CADM2: variants seen among roughly 807,000 people sequenced by gnomAD.
CADM2 encodes the protein cell adhesion molecule 2.
Under a neutral mutation model 49.8 loss-of-function variants are expected in CADM2, and 12 were observed. That is an observed-to-expected ratio of 0.24 (90% CI 0.15 to 0.39). The LOEUF (loss-of-function observed/expected upper bound fraction) is 0.39. CADM2 is among the 10% of genes least tolerant of loss of function. CADM2 has a pLI of 1.00. For synonymous variants in CADM2, 214 were observed against 175.4 expected (o/e 1.22, Z -1.74); for missense variants, 378 against 492.3 (o/e 0.77, Z 2.20).
intron 1 of CADM2, among the ~76,000 whole-genome samples, chr3:85,702,791 C>T (rs1466001078): frequency 6.6e-6 from 1 of 152,158 alleles, no homozygotes; most frequent in African/African-American, 2.4e-5. Context: ...CATATTTGCT[C>T]ATGACTTTCA....
chr3:85,972,870 T>TA (rs1052327065), intron 8 of CADM2, among the ~76,000 whole-genome samples: 19 of 151,736 alleles, frequency 1.3e-4, no homozygotes, highest in African/African-American at 3.9e-4. Flanking sequence ...TGGCATTTTC[T>TA]AAAAAATCCT....
intron 1 of CADM2, among the ~76,000 whole-genome samples, chr3:85,038,046 C>T (rs1269546545): frequency 6.6e-6 from 1 of 151,830 alleles, no homozygotes; most frequent in African/African-American, 2.4e-5. Context: ...TTAAAATAAG[C>T]AAAGTAAAAA....
intron 8 of CADM2, among the ~76,000 whole-genome samples, chr3:86,025,416 TA>T (rs1733774473): frequency 6.6e-6 from 1 of 150,546 alleles, no homozygotes; most frequent in Admixed American, 6.6e-5. Flanking sequence ...ATGAACAAAG[TA>T]AATATCTTCT....
chr3:85,285,428 A>T (rs996380564), intron 1 of CADM2, among the ~76,000 whole-genome samples: 5 of 152,160 alleles, frequency 3.3e-5, no homozygotes, highest in Non-Finnish European at 7.4e-5. Context: ...CATTTAAAAT[A>T]TGTCTAAATG....
chr3:85,677,309 T>G (rs1306555601), intron 1 of CADM2, among the ~76,000 whole-genome samples: 1 of 152,226 alleles, frequency 6.6e-6, no homozygotes, highest in African/African-American at 2.4e-5. Context: ...ATGCCAAGTT[T>G]ATGTTATTTA....
Position 85,761,894 on chromosome 3 carries a change from T to G in CADM2, c.88+35346T>G, listed in dbSNP as rs186733375. On this transcript the variant is annotated intron_variant, in intron 2 of 9. Transcript: ENST00000383699. ...GAACAATTTATGAAGGCAGCTCAGC[T>G]GAGGGTCGTCCAACAGGTAGGGAAA... is the stretch of plus-strand genomic sequence containing the variant. 2.4e-3 allele frequency among the ~76,000 whole-genome samples: 372 copies of G among 152,284 alleles called. 2 individuals are homozygous for G. The highest frequency in any genetic ancestry group is 8.7e-3 in the African/African-American group (362 of 41,562).
intron 1 of CADM2, among the ~76,000 whole-genome samples, chr3:84,964,317 T>C (rs1215342332): frequency 6.6e-6 from 1 of 152,170 alleles, no homozygotes; most frequent in Non-Finnish European, 1.5e-5. Flanking sequence ...TGGCCTGGAA[T>C]CAACACCAAA....
chr3:85,168,140 C>T (rs1438730832), intron 1 of CADM2, among the ~76,000 whole-genome samples: 1 of 152,124 alleles, frequency 6.6e-6, no homozygotes, highest in Non-Finnish European at 1.5e-5. Context: ...TTTGCAACCT[C>T]CACCTCCCGG....
intron 8 of CADM2, among the ~76,000 whole-genome samples, chr3:86,039,331 T>TAGTCAAAG (rs565121802): frequency 2.0e-4 from 30 of 148,262 alleles, no homozygotes; most frequent in Non-Finnish European, 3.8e-4. Flanking sequence ...TTCCCTTTCC[T>TAGTCAAAG]AGTCAAAGAA....
chr3:85,013,000 A>G (rs1419613096), intron 1 of CADM2, among the ~76,000 whole-genome samples: 1 of 151,808 alleles, frequency 6.6e-6, no homozygotes, highest in Non-Finnish European at 1.5e-5. Context: ...GTGCTTTTAA[A>G]TTACCTGAAG....
intron 4 of CADM2, 61 bp downstream of exon 4, chr3:85,883,504 C>A: frequency 3.0e-6 from 4 of 1,316,986 alleles, no homozygotes; most frequent in Non-Finnish European, 4.2e-6. Flanking sequence ...ATTGCTACAG[C>A]AACATAATTC....
chr3:85,057,622 G>A (rs943503343), intron 1 of CADM2, among the ~76,000 whole-genome samples: 16 of 152,088 alleles, frequency 1.1e-4, no homozygotes, highest in African/African-American at 3.9e-4. Flanking sequence ...TAATCATAAT[G>A]TCCATACTTA....
chr3:85,769,312 A>G (rs1258710585), intron 2 of CADM2, among the ~76,000 whole-genome samples: 4 of 126,854 alleles, frequency 3.2e-5, no homozygotes, highest in South Asian at 2.4e-4. Flanking sequence ...GTATATACAT[A>G]TATACATATA....
chr3:85,102,014 G>C (rs1473012700), intron 1 of CADM2, among the ~76,000 whole-genome samples: 1 of 152,130 alleles, frequency 6.6e-6, no homozygotes, highest in Non-Finnish European at 1.5e-5. Flanking sequence ...GATCCATAAA[G>C]CTATATTCTC....
chr3:85,830,551 G>C lies in CADM2; in HGVS notation c.238+28355G>C, dbSNP rs565168954. ...GATTTAGCTCCACTTGTTTGTTTTT[G>C]CTTTTGTTGCTCAGGCTTTGGTATC... On this transcript the variant is annotated intron_variant, in intron 3 of 9. Transcript: ENST00000383699. 2.0e-5 allele frequency among the ~76,000 whole-genome samples: 3 copies of C among 151,696 alleles called. No individual in the cohort carries two copies. The East Asian group carries it at 5.9e-4, about 30-fold the overall frequency.
At chr3:85,604,189 ATTATT>A (rs2063490202) in intron 1 of CADM2, among the ~76,000 whole-genome samples, 1 of 151,900 alleles carries the variant, frequency 6.6e-6, no homozygotes, top group Admixed American at 6.6e-5. Flanking sequence ...TTTTAAATAT[ATTATT>A]TTATTTAATC....
chr3:85,577,979 A>T (rs988330301), intron 1 of CADM2, among the ~76,000 whole-genome samples: 1 of 82,582 alleles, frequency 1.2e-5, no homozygotes, highest in Admixed American at 1.2e-4. Context: ...TTACCTATTA[A>T]TCTCTTTCCT....
At chr3:85,431,523 G>T in intron 1 of CADM2, among the ~76,000 whole-genome samples, 1 of 151,932 alleles carries the variant, frequency 6.6e-6, no homozygotes, top group Non-Finnish European at 1.5e-5. Context: ...GTGTAGCTGC[G>T]TATGTACATG....
chr3:85,766,905 C>A (rs1325063568), intron 2 of CADM2, among the ~76,000 whole-genome samples: 2 of 152,148 alleles, frequency 1.3e-5, no homozygotes, highest in Non-Finnish European at 2.9e-5. Flanking sequence ...TTCACATTAA[C>A]TCTTTATGTA....
Sources: allele counts gnomAD v4.1 joint callset (sites outside exome capture counted in the v4.1 genomes callset), GRCh38; gene constraint gnomAD v4.1.1; transcripts MANE v1.5; gene names NCBI Gene and HGNC (gene_info 2026-07-23, HGNC 2026-07-21).